The following SCN9A variants were observed in gnomAD, a reference collection of about 807,000 sequenced individuals.
SCN9A encodes sodium voltage-gated channel alpha subunit 9.
SCN9A carries 131 observed loss-of-function variants against 187.0 expected under a neutral mutation model. The ratio of observed to expected loss-of-function variants is 0.70; its 90% CI spans 0.61 to 0.81. The LOEUF (loss-of-function observed/expected upper bound fraction) is 0.81. Among genes scored for constraint, SCN9A ranks in the 30% least tolerant of loss-of-function variants. SCN9A has a pLI of 0.00. For missense variants in SCN9A, 2,252 were observed against 2,396.6 expected, an observed-to-expected ratio of 0.94 and a Z score of 1.26; for synonymous variants, 809 against 808.6, an observed-to-expected ratio of 1.00 and a Z score of -0.01.
chr2:166,269,793 C>T (rs1415368112), intron 17 of SCN9A, among the ~76,000 whole-genome samples: 1 of 152,058 alleles, frequency 6.6e-6, no homozygotes, highest in Non-Finnish European at 1.5e-5. Flanking sequence ...AATAATTCCT[C>T]ATAAATGTTA....
At chr2:166,288,096 TA>T (rs1697861421) in intron 10 of SCN9A, among the ~76,000 whole-genome samples, 5 of 28,490 alleles carry the variant, frequency 1.8e-4, no homozygotes, top group South Asian at 3.0e-3. Flanking sequence ...CATGTGTTTA[TA>T]TATATATATA....
At chr2:166,229,354 AAAAAG>A (rs200585133) in intron 21 of SCN9A, among the ~76,000 whole-genome samples, 3,150 of 152,190 alleles carry the variant, frequency 0.021, 117 homozygotes, top group African/African-American at 0.073. Context: ...ACTCTGGAAA[AAAAAG>A]AAATGTATAA....
chr2:166,287,447 A>G (rs1697821289), intron 10 of SCN9A, among the ~76,000 whole-genome samples: 1 of 152,150 alleles, frequency 6.6e-6, no homozygotes, highest in African/African-American at 2.4e-5. Flanking sequence ...TACAATTTTC[A>G]TAATTTTCTT....
At chr2:166,204,937 G>A (rs1271713872) in intron 24 of SCN9A, 2 of 152,122 alleles carry the variant, frequency 1.3e-5, no homozygotes, top group Non-Finnish European at 2.9e-5. Context: ...AAAATACCTA[G>A]GAATCCAACT....
intron 17 of SCN9A, among the ~76,000 whole-genome samples, chr2:166,262,882 C>T (rs533923613): frequency 1.3e-5 from 2 of 152,044 alleles, no homozygotes; most frequent in East Asian, 3.9e-4. Flanking sequence ...TGTGTTTGAT[C>T]CGCTGTTCTC....
intron 19 of SCN9A, among the ~76,000 whole-genome samples, chr2:166,241,957 C>A (rs74899531): frequency 0.03 from 4,515 of 152,142 alleles, 478 homozygotes; most frequent in Admixed American, 0.2. Context: ...AATTATAATT[C>A]TCTGCAAGAC....
At chr2:166,214,739 C>T (rs1359682112) in intron 24 of SCN9A, among the ~76,000 whole-genome samples, 2 of 151,444 alleles carry the variant, frequency 1.3e-5, no homozygotes, top group Non-Finnish European at 2.9e-5. Flanking sequence ...TGGTCTCGAT[C>T]TCCTGACCTC....
At position 166,311,708 on chromosome 2, in the gene SCN9A, T is replaced by C. The variant is rs181981693; in HGVS notation, c.49A>G (p.Lys17Glu). 2.4e-5 allele frequency: 38 copies of C among 1,612,158 alleles called. No individual in the cohort carries two copies. The Admixed American group carries it at 6.0e-4, about 25-fold the overall frequency. The change falls in exon 2 of 27, where the codon AAA becomes GAA. Residue 17 changes from lysine to glutamate, a missense_variant. Transcript: ENST00000642356. ...PGPQSFVHFT[K>E]QSLALIEQRI... ...TGTTCAATGAGGGCAAGAGACTGTT[T>C]TGTGAAATGGACAAAGCTCTGAGGT...
In SCN9A at chr2:166,205,271, G is replaced by C. The variant is rs150277826; in HGVS notation, c.4399-807C>G. 880 of 152,270 alleles carry C rather than the reference G, an allele frequency of 5.8e-3. 7 individuals are homozygous for C. Among genetic ancestry groups the C allele is most frequent in the Non-Finnish European group, 5.9e-3 (401 of 68,068 alleles). The allele number at this position is 152,270 out of a possible 1,614,324, so 9.4% of individuals were successfully genotyped here. A position where few individuals can be genotyped will look rare whatever the true frequency, so the allele number is the denominator to read the frequency against. On this transcript the variant is annotated intron_variant, in intron 24 of 26. Coordinates refer to ENST00000642356, the MANE Select transcript of SCN9A (RefSeq NM_001365536.1). ...ACCTGACTTCAAACTATACTACAAG[G>C]CTACAGTAACCAAAACAGCATGGTA...
chr2:166,202,200 A>C (rs55929553), intron 26 of SCN9A, among the ~76,000 whole-genome samples: 1 of 141,660 alleles, frequency 7.1e-6, no homozygotes, highest in Non-Finnish European at 1.6e-5. Context: ...TTTCTTCTTC[A>C]TTTTTTTTTT....
At chr2:166,375,959 A>C (rs1188920775), upstream of SCN9A, 1 of 152,176 alleles carries the variant, frequency 6.6e-6, no homozygotes, top group African/African-American at 2.4e-5. Context: ...CCCTCCTGCC[A>C]GGGCGCGCCC....
intron 24 of SCN9A, among the ~76,000 whole-genome samples, chr2:166,221,864 A>G (rs1694602187): frequency 6.6e-6 from 1 of 152,198 alleles, no homozygotes; most frequent in African/African-American, 2.4e-5. Flanking sequence ...AGAATACACA[A>G]TAGAAAAGAG....
chr2:166,248,792 A>T (rs752034322), intron 18 of SCN9A, among the ~76,000 whole-genome samples: 1 of 151,966 alleles, frequency 6.6e-6, no homozygotes, highest in African/African-American at 2.4e-5. Flanking sequence ...TCAGCCTCAC[A>T]AGTAGCTGGG....
At position 166,282,086 on chromosome 2, in the gene SCN9A, C is replaced by T. The variant is rs559574556; in HGVS notation, c.1975-278G>A. 1.8e-3 allele frequency among the ~76,000 whole-genome samples: 275 copies of T among 152,214 alleles called. 1 individual carries two copies. Among genetic ancestry groups the T allele is most frequent in the Non-Finnish European group, 3.1e-3 (208 of 67,998 alleles). ...TTTATGAGATAAAAAATAAAGCTAG[C>T]TGCTTTTTTGTTATATCATCACTAT... On this transcript the variant is annotated intron_variant, in intron 12 of 26. Transcript: ENST00000642356.
intron 24 of SCN9A, 133 bp from the exon 25 acceptor site, chr2:166,204,597 T>C (rs1693708595): frequency 4.1e-6 from 2 of 492,656 alleles, no homozygotes. Context: ...ATGATAGCTA[T>C]ACATAAAATA....
chr2:166,359,009 A>C (rs1005077613), intron 1 of SCN9A, among the ~76,000 whole-genome samples: 1 of 152,174 alleles, frequency 6.6e-6, no homozygotes, highest in Non-Finnish European at 1.5e-5. Flanking sequence ...ATAACTATTA[A>C]ATAATATTTC....
intron 1 of SCN9A, among the ~76,000 whole-genome samples, chr2:166,317,639 G>A (rs1335594369): frequency 1.3e-5 from 2 of 151,994 alleles, no homozygotes; most frequent in African/African-American, 4.8e-5. Flanking sequence ...ATCCATCTAT[G>A]GATCTATGTC....
Position 166,199,671 on chromosome 2 carries a change from G to A in SCN9A, c.4968C>T (p.Phe1656=), listed in dbSNP as rs779521437. 19 of 1,614,002 alleles carry A rather than the reference G, an allele frequency of 1.2e-5. No homozygotes were observed. Among genetic ancestry groups the A allele is most frequent in the East Asian group, 2.2e-5 (1 of 44,890 alleles). Residue 1656 remains phenylalanine (F), a synonymous_variant, in exon 27 of 27, where the codon TTC becomes TTT. Transcript: ENST00000642356. ...TGGACATTCCAAAGATGGCGTAGAT[G>A]AACATGACCAGGAAGAGCAGGAGGC... ...NIGLLLFLVM[F]IYAIFGMSNF... is the part of the protein sequence containing the mutation.
At chr2:166,360,235 AG>A (rs71031239) in intron 1 of SCN9A, among the ~76,000 whole-genome samples, 4,801 of 47,830 alleles carry the variant, frequency 0.1, 527 homozygotes, top group African/African-American at 0.23. Flanking sequence ...AAAAAAAAAA[AG>A]AAAAAAAAAA....
Sources: allele counts gnomAD v4.1 joint callset (sites outside exome capture counted in the v4.1 genomes callset), GRCh38; gene constraint gnomAD v4.1.1; transcripts MANE v1.5; gene names NCBI Gene and HGNC (gene_info 2026-07-23, HGNC 2026-07-21).